The following BTAF1 variants were observed in gnomAD, a reference collection of about 807,000 sequenced individuals.
BTAF1 encodes the protein B-TFIID TATA-box binding protein associated factor 1.
Under a neutral mutation model 227.1 loss-of-function variants are expected in BTAF1, and 38 were observed. That is an observed-to-expected ratio of 0.17 (90% CI 0.13 to 0.22). The LOEUF (loss-of-function observed/expected upper bound fraction) is 0.22. Among genes scored for constraint, BTAF1 ranks in the 10% least tolerant of loss-of-function variants. The pLI is 1.00. For synonymous variants in BTAF1, 742 were observed against 751.9 expected (o/e 0.99, Z 0.21); for missense variants, 1,598 against 2,204.0 (o/e 0.73, Z 5.51).
intron 4 of BTAF1, among the ~76,000 whole-genome samples, chr10:91,948,264 C>T (rs1167798601): frequency 6.8e-6 from 1 of 147,688 alleles, no homozygotes; most frequent in Non-Finnish European, 1.5e-5. Flanking sequence ...ATTGCTTTAT[C>T]TTTAAGTTCA....
chr10:91,930,807 T>A (rs2133771053), intron 1 of BTAF1, among the ~76,000 whole-genome samples: 1 of 152,348 alleles, frequency 6.6e-6, no homozygotes, highest in African/African-American at 2.4e-5. Context: ...AATTTTACTG[T>A]ACTTTTGCCA....
intron 19 of BTAF1, among the ~76,000 whole-genome samples, chr10:91,987,112 CTTTTT>C (rs11347841): frequency 2.6e-5 from 3 of 114,970 alleles, no homozygotes; most frequent in Non-Finnish European, 1.9e-5. Flanking sequence ...CAAAAACTGG[CTTTTT>C]TTTTTTTTTT....
At chr10:91,974,918 T>C (rs1003830303) in intron 14 of BTAF1, among the ~76,000 whole-genome samples, 6 of 152,226 alleles carry the variant, frequency 3.9e-5, no homozygotes, top group Non-Finnish European at 8.8e-5. Flanking sequence ...TTTTTTTTGC[T>C]AAACTAGCAG....
chr10:91,960,863 T>C (rs1005553029), intron 11 of BTAF1, among the ~76,000 whole-genome samples: 25 of 152,192 alleles, frequency 1.6e-4, no homozygotes, highest in Non-Finnish European at 4.4e-5. Context: ...TAGTGGGTTA[T>C]TAAAAACTCT....
Position 91,923,782 on chromosome 10 carries a change from C to T in BTAF1, c.-295C>T. 1 of 390,368 alleles carries T rather than the reference C, an allele frequency of 2.6e-6. No individual in the cohort carries two copies. Among genetic ancestry groups the T allele is most frequent in the Non-Finnish European group, 4.6e-6 (1 of 218,810 alleles). 24.2% of individuals were successfully genotyped at this position (390,368 alleles called of 1,614,324 possible). ...CGCGCTGACGCTCAGTTGTGCGTGCCGACGCCCGCGTCAGCAAAGAGCGGA... is the reference window on the plus strand; with the variant it reads ...CGCGCTGACGCTCAGTTGTGCGTGCTGACGCCCGCGTCAGCAAAGAGCGGA... On this transcript the variant is annotated 5_prime_UTR_variant, in exon 1 of 38. Transcript: ENST00000265990.
At chr10:91,942,387 A>ATAT in intron 3 of BTAF1, 35 bp from the exon 4 acceptor site, 1 of 1,592,544 alleles carries the variant, frequency 6.3e-7, no homozygotes, top group Non-Finnish European at 8.6e-7. Flanking sequence ...CACTTTGGCT[A>ATAT]TATGGTCAAA....
intron 30 of BTAF1, among the ~76,000 whole-genome samples, chr10:92,013,442 T>G (rs1353017135): frequency 2.0e-5 from 3 of 152,198 alleles, no homozygotes; most frequent in Admixed American, 2.0e-4. Context: ...AGGCTTATTC[T>G]AGGGAAGGAG....
At chr10:91,941,806 A>C (rs1053229652) in intron 3 of BTAF1, among the ~76,000 whole-genome samples, 3 of 152,204 alleles carry the variant, frequency 2.0e-5, no homozygotes, top group African/African-American at 4.8e-5. Context: ...TTAACATGGG[A>C]ATGCAATTTC....
intron 14 of BTAF1, among the ~76,000 whole-genome samples, chr10:91,976,175 A>G (rs977369131): frequency 6.6e-6 from 1 of 152,192 alleles, no homozygotes; most frequent in Non-Finnish European, 1.5e-5. Context: ...CCGGTTTTCT[A>G]TAAAGGACAC....
In BTAF1 at chr10:92,016,377, A is replaced by C. The variant is rs1460759150; in HGVS notation, c.4622A>C (p.Lys1541Thr). 6.3e-7 allele frequency: 1 copy of C among 1,599,810 alleles called. No homozygotes were observed. The highest frequency in any genetic ancestry group is 8.5e-7 in the Non-Finnish European group (1 of 1,174,186). Residue 1541 changes from lysine to threonine, a missense_variant, in exon 33 of 38, where the codon AAG (lysine) becomes ACG (threonine). Coordinates refer to ENST00000265990, the MANE Select transcript of BTAF1 (RefSeq NM_003972.3). ...GAAGATTTTGCTAAGTCTCGTGCCA[A>C]GTGTGATGTTGATGAAACAGTTTCT... ...LYEDFAKSRA[K>T]CDVDETVSSA...
At chr10:92,012,034 T>G (rs1049169064) in intron 30 of BTAF1, among the ~76,000 whole-genome samples, 1 of 149,760 alleles carries the variant, frequency 6.7e-6, no homozygotes, top group Non-Finnish European at 1.5e-5. Flanking sequence ...CTTTAAAAAC[T>G]GATGATTCTT....
intron 13 of BTAF1, 113 bp downstream of exon 13, chr10:91,964,314 T>C (rs1564678361): frequency 1.6e-5 from 20 of 1,246,658 alleles, no homozygotes; most frequent in Non-Finnish European, 2.1e-5. Context: ...TTATTTAAGC[T>C]GGAGATGCCA....
At chr10:91,946,482 G>A (rs1845373311) in intron 4 of BTAF1, among the ~76,000 whole-genome samples, 1 of 152,192 alleles carries the variant, frequency 6.6e-6, no homozygotes, top group South Asian at 2.1e-4. Context: ...TATGGTAACT[G>A]TATTTTACCA....
intron 28 of BTAF1, among the ~76,000 whole-genome samples, chr10:92,010,698 A>T (rs911532490): frequency 6.6e-6 from 1 of 152,220 alleles, no homozygotes; most frequent in Non-Finnish European, 1.5e-5. Flanking sequence ...GGGATTAAGT[A>T]TTGTGAATAG....
rs747342126 is a variant in BTAF1 at position 92,027,240 on chromosome 10, G to A, written c.5346G>A (p.Glu1782=). The A allele has an allele frequency of 5.6e-6, 9 of 1,613,902 alleles. No individual in the cohort carries two copies. In the East Asian group the frequency reaches 1.8e-4, roughly 32 times the overall value. The part of the protein sequence containing the change: ...MNIANTVISQ[E]NSSLQSMGTD... Reference sequence around the variant, plus strand: ...TAGCGAATACTGTTATTAGCCAAGAGAATTCTAGTTTGCAGAGCATGGGGA... The same window carrying A: ...TAGCGAATACTGTTATTAGCCAAGAAAATTCTAGTTTGCAGAGCATGGGGA... Residue 1782 remains glutamate (E), a synonymous_variant, in exon 37 of 38, where the codon GAG becomes GAA. Coordinates refer to ENST00000265990, the MANE Select transcript of BTAF1 (RefSeq NM_003972.3).
chr10:91,945,710 C>A (rs1205787215), intron 4 of BTAF1, among the ~76,000 whole-genome samples: 5 of 152,212 alleles, frequency 3.3e-5, no homozygotes, highest in African/African-American at 1.2e-4. Context: ...GCTTATTCCA[C>A]ATTTTGACTG....
At chr10:92,016,197 T>A in intron 32 of BTAF1, 143 bp from the exon 33 acceptor site, 1 of 917,556 alleles carries the variant, frequency 1.1e-6, no homozygotes, top group Non-Finnish European at 1.6e-6. Flanking sequence ...GTAATTCCTG[T>A]AGTGAATTAG....
intron 28 of BTAF1, 30 bp downstream of exon 28, chr10:92,009,238 T>TTC: frequency 3.8e-6 from 6 of 1,594,824 alleles, no homozygotes; most frequent in Non-Finnish European, 5.1e-6. Context: ...AACAAAATAT[T>TTC]TCATCTGTTG....
rs918093391 is a variant in BTAF1 at position 91,992,366 on chromosome 10, C to G, written c.3045+57C>G. 1.3e-5 allele frequency: 19 copies of G among 1,437,186 alleles called. No individual in the cohort carries two copies. In the Admixed American group the frequency reaches 2.5e-4, roughly 19 times the overall value. 89.0% of individuals were successfully genotyped at this position (1,437,186 alleles called of 1,614,324 possible). ...GATTTTTAAACAAATATCTGACTTA[C>G]AAATTGAGAACTAAGTTGTATTAGC... On this transcript the variant is annotated intron_variant, in intron 21 of 37. Transcript: ENST00000265990.
Sources: gnomAD v4.1 joint callset for allele counts (sites outside exome capture counted in the v4.1 genomes callset) on GRCh38, gnomAD v4.1.1 for gene constraint, MANE v1.5 for transcripts, NCBI Gene and HGNC (gene_info 2026-07-23, HGNC 2026-07-21) for gene names.